The following JMY variants were observed in gnomAD, a reference collection of about 807,000 sequenced individuals.
JMY encodes the protein junction mediating and regulatory protein, p53 cofactor.
JMY carries 46 observed loss-of-function variants against 103.3 expected under a neutral mutation model. That is an observed-to-expected ratio of 0.45 (90% CI 0.35 to 0.57). JMY has a LOEUF of 0.57. Among genes scored for constraint, JMY ranks in the 20% least tolerant of loss-of-function variants. The probability of loss-of-function intolerance (pLI) is 0.00; values close to 1 mark genes in which losing one functional copy is unlikely to be tolerated. For synonymous variants in JMY, 526 were observed against 489.3 expected (o/e 1.07, Z -0.99); for missense variants, 1,238 against 1,255.2 (o/e 0.99, Z 0.21).
At chr5:79,295,390 C>A (rs1186067661) in intron 4 of JMY, among the ~76,000 whole-genome samples, 1 of 152,180 alleles carries the variant, frequency 6.6e-6, no homozygotes, top group Non-Finnish European at 1.5e-5. Flanking sequence ...TCAGTGAGTT[C>A]CTTAACCTGT....
chr5:79,319,175 G>A (rs979918196), intron 10 of JMY, among the ~76,000 whole-genome samples: 2 of 152,170 alleles, frequency 1.3e-5, no homozygotes, highest in African/African-American at 4.8e-5. Context: ...TCAAGTGGCT[G>A]GGATGTTACT....
At chr5:79,272,357 A>G (rs932297366) in intron 1 of JMY, among the ~76,000 whole-genome samples, 6 of 152,124 alleles carry the variant, frequency 3.9e-5, no homozygotes, top group African/African-American at 7.2e-5. Context: ...TTTATATTTC[A>G]TATAATTCTT....
In JMY at chr5:79,325,274, C is replaced by G. The variant is rs1420325664; in HGVS notation, c.*3672C>G. 6.6e-6 allele frequency: 1 copy of G among 152,070 alleles called. No individual in the cohort carries two copies. The highest frequency in any genetic ancestry group is 6.6e-5 in the Admixed American group (1 of 15,264). 9.4% of individuals were successfully genotyped at this position (152,070 alleles called of 1,614,324 possible). The stretch of plus-strand genomic sequence containing the variant: ...TATTGAAGTATTACAAACTTAACAT[C>G]AGATACCAATGTGTAAAAAGTACTA... On this transcript the variant is annotated 3_prime_UTR_variant, in exon 11 of 11. Transcript: ENST00000396137.
intron 2 of JMY, chr5:79,284,548 A>C (rs1156430542): frequency 1.9e-6 from 3 of 1,540,068 alleles, no homozygotes; most frequent in Non-Finnish European, 2.7e-6. Flanking sequence ...TCCTGACGTC[A>C]ACGTGAGCTT....
intron 1 of JMY, among the ~76,000 whole-genome samples, chr5:79,260,135 A>G (rs1238211782): frequency 6.6e-6 from 1 of 152,144 alleles, no homozygotes; most frequent in African/African-American, 2.4e-5. Flanking sequence ...AATGAACCTG[A>G]CGCACCCAGG....
chr5:79,270,335 A>G lies in JMY; in HGVS notation c.1033-7575A>G, dbSNP rs568029754. Among the ~76,000 whole-genome samples, 620 of 141,616 alleles carry G rather than the reference A, an allele frequency of 4.4e-3. 3 individuals are homozygous for G. Among genetic ancestry groups the G allele is most frequent in the African/African-American group, 0.014 (559 of 38,678 alleles). The allele number at this position is 141,616 out of a possible 152,430, so 92.9% of individuals were successfully genotyped here. On this transcript the variant is annotated intron_variant, in intron 1 of 10. Transcript: ENST00000396137. ...AAAATATATATTTACATAAATATTTAAAATATATATTTACATAAATATTTA... is the reference window on the plus strand; with the variant it reads ...AAAATATATATTTACATAAATATTTGAAATATATATTTACATAAATATTTA...
chr5:79,257,431 T>C (rs1267254526), intron 1 of JMY, among the ~76,000 whole-genome samples: 2 of 152,108 alleles, frequency 1.3e-5, no homozygotes, highest in Non-Finnish European at 2.9e-5. Context: ...GGTGAAACCC[T>C]GTCTCTACAA....
intron 1 of JMY, among the ~76,000 whole-genome samples, chr5:79,270,662 A>ATATAAAATATATATTTG (rs1561298076): frequency 1.4e-5 from 2 of 146,296 alleles, no homozygotes; most frequent in African/African-American, 4.9e-5. Context: ...ATATATATTT[A>ATATAAAATATATATTTG]CATAAATATA....
chr5:79,260,557 GT>G (rs1330502586), intron 1 of JMY, among the ~76,000 whole-genome samples: 193 of 142,560 alleles, frequency 1.4e-3, no homozygotes, highest in East Asian at 1.6e-3. Flanking sequence ...ATTTTTGTGG[GT>G]TTTTTTTTTT....
At chr5:79,253,615 A>G (rs572826913) in intron 1 of JMY, among the ~76,000 whole-genome samples, 15 of 152,278 alleles carry the variant, frequency 9.9e-5, no homozygotes, top group East Asian at 3.9e-4. Flanking sequence ...TCTTTCTAAG[A>G]TAAGAGTAGC....
chr5:79,251,729 C>CT (rs969797859), intron 1 of JMY, among the ~76,000 whole-genome samples: 5 of 151,062 alleles, frequency 3.3e-5, no homozygotes, highest in African/African-American at 1.2e-4. Context: ...TTTCAATTGT[C>CT]TATTTCAATG....
In JMY at chr5:79,238,804, C is replaced by CGCCCGGCTAACACGTTA. The variant is rs1406587425; in HGVS notation, c.1032+1132_1032+1148dup. On this transcript the variant is annotated intron_variant, in intron 1 of 10. Transcript: ENST00000396137. ...CTGGGACTACAGGTGCGCGCCACCA[C>CGCCCGGCTAACACGTTA]GCCCGGCTAACACGTTAGCCCGGCT... Among the ~76,000 whole-genome samples, 18 of 152,128 alleles carry CGCCCGGCTAACACGTTA rather than the reference C, an allele frequency of 1.2e-4. 1 individual carries two copies. The highest frequency in any genetic ancestry group is 4.6e-4 in the Admixed American group (7 of 15,286).
At chr5:79,287,949 C>G (rs1348348821) in intron 2 of JMY, among the ~76,000 whole-genome samples, 2 of 152,154 alleles carry the variant, frequency 1.3e-5, no homozygotes, top group African/African-American at 4.8e-5. Flanking sequence ...TATTAAATTT[C>G]TATCCCATAC....
At chr5:79,278,182 AAAAAAG>A (rs1197845093) in intron 2 of JMY, 99 bp downstream of exon 2, 1 of 1,021,360 alleles carries the variant, frequency 9.8e-7, no homozygotes, top group Non-Finnish European at 1.4e-6. Context: ...AAAAAAAAAA[AAAAAAG>A]AAGGTACCTG....
At chr5:79,310,256 T>TTAGAC (rs1747009260) in intron 7 of JMY, among the ~76,000 whole-genome samples, 1 of 151,906 alleles carries the variant, frequency 6.6e-6, no homozygotes, top group Non-Finnish European at 1.5e-5. Flanking sequence ...AGATGGGGTT[T>TTAGAC]CACCATGTTG....
rs1744527423 is a variant in JMY at position 79,236,946 on chromosome 5, T to C, written c.296T>C (p.Val99Ala). The C allele has an allele frequency of 6.9e-7, 1 of 1,445,950 alleles. No homozygotes were observed. The highest frequency in any genetic ancestry group is 1.5e-5 in the South Asian group (1 of 66,932). 89.6% of individuals were successfully genotyped at this position (1,445,950 alleles called of 1,614,324 possible). ...GAGGCCACTGCCTCTGCAACTCTGG[T>C]TAGGAGCCCCGGGCCCCGGCGGAGC... ...RPEATASATLVRSPGPRRSSA... is the reference protein window; with the variant it reads ...RPEATASATLARSPGPRRSSA... Residue 99 changes from valine (V) to alanine (A), a missense_variant, in exon 1 of 11, where the codon GTT becomes GCT. Coordinates refer to ENST00000396137, the MANE Select transcript of JMY (RefSeq NM_152405.5).
chr5:79,304,853 T>G (rs751149073), intron 6 of JMY, among the ~76,000 whole-genome samples: 1 of 152,202 alleles, frequency 6.6e-6, no homozygotes, highest in African/African-American at 2.4e-5. Flanking sequence ...TGGACCTGTA[T>G]CCTCATTTAT....
At chr5:79,307,603 CT>C (rs1204134989) in intron 7 of JMY, among the ~76,000 whole-genome samples, 5 of 151,968 alleles carry the variant, frequency 3.3e-5, no homozygotes, top group Non-Finnish European at 5.9e-5. Context: ...CTGTGCCTGG[CT>C]TTTACTGTTG....
At position 79,314,528 on chromosome 5, in the gene JMY, A is replaced by G. The variant is rs1747145721; in HGVS notation, c.2336A>G (p.Glu779Gly). 6.2e-7 allele frequency: 1 copy of G among 1,614,146 alleles called. No individual in the cohort carries two copies. The highest frequency in any genetic ancestry group is 8.5e-7 in the Non-Finnish European group (1 of 1,180,014). ...TSLPLSGVTS[E>G]LPPTISLPLL... ...TTACCTCTCAGTGGTGTTACCTCTGAACTGCCTCCCACTATATCTCTTCCA... is the reference window on the plus strand; with the variant it reads ...TTACCTCTCAGTGGTGTTACCTCTGGACTGCCTCCCACTATATCTCTTCCA... The change falls in exon 9 of 11, where the codon GAA becomes GGA. Residue 779 changes from glutamate (E) to glycine (G), a missense_variant. Coordinates refer to ENST00000396137, the MANE Select transcript of JMY (RefSeq NM_152405.5).
Sources: allele counts gnomAD v4.1 joint callset (sites outside exome capture counted in the v4.1 genomes callset), GRCh38; gene constraint gnomAD v4.1.1; transcripts MANE v1.5; gene names NCBI Gene and HGNC (gene_info 2026-07-23, HGNC 2026-07-21).